IGF2BP2: variants seen among roughly 807,000 people sequenced by gnomAD.
The protein encoded by IGF2BP2 is insulin like growth factor 2 mRNA binding protein 2, also known as insulin-like growth factor 2 mRNA-binding protein 2.
IGF2BP2 carries 17 observed loss-of-function variants against 75.8 expected under a neutral mutation model. The ratio of observed to expected loss-of-function variants is 0.22; its 90% confidence interval spans 0.15 to 0.34. The LOEUF is 0.34. Among genes scored for constraint, IGF2BP2 ranks in the 10% least tolerant of loss-of-function variants. The pLI, the probability that IGF2BP2 is intolerant of heterozygous loss-of-function variation, is 1.00. For synonymous variants in IGF2BP2, 288 were observed against 295.6 expected, an observed-to-expected ratio of 0.97 and a Z score of 0.26; for missense variants, 516 against 772.4, an observed-to-expected ratio of 0.67 and a Z score of 3.93.
At chr3:185,649,601 G>T (rs1392018909) in intron 13 of IGF2BP2, 67 bp from the exon 14 acceptor site, 9 of 1,590,768 alleles carry the variant, frequency 5.7e-6, no homozygotes, top group Admixed American at 1.7e-5. Flanking sequence ...TCAGTGCTGC[G>T]AAGGGCACTG....
chr3:185,811,465 T>C (rs1438695916), intron 2 of IGF2BP2, among the ~76,000 whole-genome samples: 1 of 152,216 alleles, frequency 6.6e-6, no homozygotes, highest in Non-Finnish European at 1.5e-5. Flanking sequence ...CCCACAGCTG[T>C]CTTTTTTTGA....
intron 7 of IGF2BP2, among the ~76,000 whole-genome samples, chr3:185,677,068 T>TATATATATATTATATATAGAGAGAGAGAG: frequency 2.8e-5 from 1 of 35,862 alleles, no homozygotes; most frequent in African/African-American, 1.6e-4. Flanking sequence ...TATATATATA[T>TATATATATATTATATATAGAGAGAGAGAG]AGAGAGAGAG....
intron 2 of IGF2BP2, among the ~76,000 whole-genome samples, chr3:185,732,063 T>C (rs575285192): frequency 6.6e-6 from 1 of 152,294 alleles, no homozygotes; most frequent in East Asian, 1.9e-4. Context: ...GCACTCGTTG[T>C]TCTCTCTGGT....
chr3:185,683,478 G>A (rs777528156), intron 7 of IGF2BP2, among the ~76,000 whole-genome samples: 7 of 151,640 alleles, frequency 4.6e-5, no homozygotes, highest in African/African-American at 1.5e-4. Context: ...GTGCACTCTC[G>A]GCTCCCTGCA....
chr3:185,824,703 G>T, intron 1 of IGF2BP2, 80 bp downstream of exon 1: 1 of 1,116,112 alleles, frequency 9.0e-7, no homozygotes, highest in Non-Finnish European at 1.1e-6. Flanking sequence ...GGCGCCGCCC[G>T]CCGGACTCGG....
chr3:185,652,210 T>A, intron 12 of IGF2BP2, 42 bp from the exon 13 acceptor site: 2 of 1,533,224 alleles, frequency 1.3e-6, no homozygotes, highest in Non-Finnish European at 1.8e-6. Flanking sequence ...CTCGGCTGCA[T>A]TCCCCAGCCC....
intron 7 of IGF2BP2, among the ~76,000 whole-genome samples, chr3:185,684,964 C>A (rs1041395664): frequency 1.3e-5 from 2 of 152,116 alleles, no homozygotes; most frequent in Non-Finnish European, 2.9e-5. Context: ...TCTATCTTGG[C>A]TCTACATGAA....
chr3:185,675,747 G>A (rs754993946), intron 8 of IGF2BP2, 44 bp downstream of exon 8: 2 of 1,603,970 alleles, frequency 1.2e-6, no homozygotes, highest in South Asian at 2.2e-5. Flanking sequence ...GAAATGCTCA[G>A]GTGTTCCATT....
intron 11 of IGF2BP2, 78 bp downstream of exon 11, chr3:185,658,263 A>T: frequency 7.6e-7 from 1 of 1,318,136 alleles, no homozygotes; most frequent in Non-Finnish European, 1.1e-6. Flanking sequence ...CATTGTGAAC[A>T]TTCACTGGCC....
chr3:185,759,444 A>G (rs1329822114), intron 2 of IGF2BP2, among the ~76,000 whole-genome samples: 1 of 152,236 alleles, frequency 6.6e-6, no homozygotes, highest in Non-Finnish European at 1.5e-5. Flanking sequence ...TAGCCTCTGT[A>G]AGATGACACT....
At position 185,645,656 on chromosome 3, in the gene IGF2BP2, CAG is replaced by C. The variant is rs752250236; in HGVS notation, c.1708-35_1708-34del. ...AAGGGAGAGAAGGGAGAGGAAGGGA[CAG>C]GGGAAAAAAGGAACCCAGTTCTGAG... On this transcript the variant is annotated intron_variant, in intron 15 of 15. Coordinates refer to ENST00000382199, the MANE Select transcript of IGF2BP2 (RefSeq NM_006548.6). The surrounding 1 kb of genome is among the most constrained non-coding windows in gnomAD (Gnocchi z 4.9). 4.8e-5 allele frequency: 75 copies of C among 1,578,318 alleles called. No individual in the cohort carries two copies. The African/African-American group carries it at 5.0e-4, about 10-fold the overall frequency.
rs527758930 is a variant in IGF2BP2 at position 185,699,649 on chromosome 3, G to A, written c.240-1302C>T. Among the ~76,000 whole-genome samples, 123 of 152,232 alleles carry A rather than the reference G, an allele frequency of 8.1e-4. 1 individual carries two copies. Among genetic ancestry groups the A allele is most frequent in the African/African-American group, 2.9e-3 (120 of 41,530 alleles). ...ATATTTTCACCCTTTTCTTAGAGAA[G>A]TATCTGCATATTCTACACATTCTCT... On this transcript the variant is annotated intron_variant, in intron 2 of 15. Transcript: ENST00000382199.
intron 2 of IGF2BP2, among the ~76,000 whole-genome samples, chr3:185,817,386 C>T (rs1740748460): frequency 6.6e-6 from 1 of 152,108 alleles, no homozygotes; most frequent in African/African-American, 2.4e-5. Context: ...CTCAATATAC[C>T]ATCAAACTCT....
At chr3:185,767,944 C>T (rs958175003) in intron 2 of IGF2BP2, 1 of 152,486 alleles carries the variant, frequency 6.6e-6, no homozygotes, top group African/African-American at 2.4e-5. Context: ...CCTTATATTA[C>T]TCTTTAATCC....
At chr3:185,689,281 T>C in intron 6 of IGF2BP2, 74 bp downstream of exon 6, 1 of 1,500,640 alleles carries the variant, frequency 6.7e-7, no homozygotes, top group Non-Finnish European at 9.0e-7. Flanking sequence ...AATTGTGACC[T>C]AAGAGTGGCT....
chr3:185,762,186 G>A (rs892936349), intron 2 of IGF2BP2, among the ~76,000 whole-genome samples: 2 of 151,890 alleles, frequency 1.3e-5, no homozygotes, highest in African/African-American at 4.8e-5. Context: ...TCAAGAGTTC[G>A]AGAGCAGCCT....
chr3:185,727,040 G>T (rs1351501844), intron 2 of IGF2BP2, among the ~76,000 whole-genome samples: 1 of 152,012 alleles, frequency 6.6e-6, no homozygotes, highest in Non-Finnish European at 1.5e-5. Context: ...CCAACATCGT[G>T]AAACCCCATC....
At chr3:185,786,946 C>A (rs1197615023) in intron 2 of IGF2BP2, among the ~76,000 whole-genome samples, 1 of 152,120 alleles carries the variant, frequency 6.6e-6, no homozygotes, top group Non-Finnish European at 1.5e-5. Context: ...GTTTTCACAA[C>A]CTTTCGAAAT....
intron 10 of IGF2BP2, among the ~76,000 whole-genome samples, chr3:185,663,792 T>C (rs987750232): frequency 6.6e-6 from 1 of 152,254 alleles, no homozygotes; most frequent in African/African-American, 2.4e-5. Flanking sequence ...TGATATGATG[T>C]ATTACAATGA....
Sources: allele counts gnomAD v4.1 joint callset (sites outside exome capture counted in the v4.1 genomes callset), GRCh38; gene constraint gnomAD v4.1.1; non-coding constraint Gnocchi (gnomAD v3.1); transcripts MANE v1.5; gene names NCBI Gene and HGNC (gene_info 2026-07-23, HGNC 2026-07-21).